The following HYDIN variants were observed in gnomAD, a reference collection of about 807,000 sequenced individuals.
HYDIN encodes the protein HYDIN axonemal central pair apparatus protein.
HYDIN carries 132 observed loss-of-function variants against 403.9 expected under a neutral mutation model. The ratio of observed to expected loss-of-function variants is 0.33; its 90% CI spans 0.28 to 0.38. The LOEUF (loss-of-function observed/expected upper bound fraction) is 0.38. HYDIN is among the 10% of genes least tolerant of loss of function. The pLI is 1.00. For missense variants in HYDIN, 2,827 were observed against 5,009.5 expected, an observed-to-expected ratio of 0.56 and a Z score of 13.15; for synonymous variants, 1,202 against 1,891.7, an observed-to-expected ratio of 0.64 and a Z score of 9.46.
intron 35 of HYDIN, 132 bp from the exon 36 acceptor site, chr16:70,970,891 G>A: frequency 1.3e-6 from 1 of 778,052 alleles, no homozygotes; most frequent in South Asian, 1.9e-5. Flanking sequence ...AATTGCATAA[G>A]AGTAATTTTT....
chr16:70,886,254 T>A (rs926653585), intron 58 of HYDIN, among the ~76,000 whole-genome samples: 1 of 151,676 alleles, frequency 6.6e-6, no homozygotes, highest in Non-Finnish European at 1.5e-5. Flanking sequence ...TCAGTTATAG[T>A]ACACGCACCT....
chr16:71,187,743 A>G (rs926831171), intron 1 of HYDIN, among the ~76,000 whole-genome samples: 2 of 152,186 alleles, frequency 1.3e-5, no homozygotes, highest in African/African-American at 4.8e-5. Flanking sequence ...AAAGGAAAGT[A>G]GATTTGAAGG....
intron 66 of HYDIN, among the ~76,000 whole-genome samples, chr16:70,866,680 A>G (rs2143637419): frequency 6.6e-6 from 1 of 151,936 alleles, no homozygotes; most frequent in Non-Finnish European, 1.5e-5. Context: ...AAAGTAATAC[A>G]TATAAAAGAA....
At chr16:71,072,599 G>A (rs2082501960) in intron 13 of HYDIN, among the ~76,000 whole-genome samples, 1 of 150,318 alleles carries the variant, frequency 6.7e-6, no homozygotes, top group African/African-American at 2.4e-5. Flanking sequence ...CTGATCTTAA[G>A]TTGGCCCAGT....
chr16:71,000,103 T>C (rs553461690), intron 23 of HYDIN, among the ~76,000 whole-genome samples: 15 of 151,596 alleles, frequency 9.9e-5, no homozygotes, highest in African/African-American at 3.6e-4. Context: ...TAGCTAGCTT[T>C]GGGAGGATTT....
chr16:70,955,025 G>A (rs201077375), intron 40 of HYDIN, among the ~76,000 whole-genome samples: 163 of 152,108 alleles, frequency 1.1e-3, no homozygotes, highest in Non-Finnish European at 5.7e-4. Flanking sequence ...TCCCAAAGTC[G>A]CTCTTTCAAA....
chr16:71,096,310 T>G (rs1339530320), intron 10 of HYDIN, among the ~76,000 whole-genome samples: 2 of 152,092 alleles, frequency 1.3e-5, no homozygotes, highest in African/African-American at 2.4e-5. Flanking sequence ...TGTCTTTAGC[T>G]TTCAGTGATT....
chr16:70,943,967 G>C lies in HYDIN; in HGVS notation c.6532-18C>G. On this transcript the variant is annotated intron_variant, in intron 41 of 85. Coordinates refer to ENST00000393567, the MANE Select transcript of HYDIN (RefSeq NM_001270974.2). ...GAGGAAATCTGTTGAGTGGGAGAAG[G>C]ATCAGGAGTCAGAATCTGGCCTTGT... 6.4e-7 allele frequency: 1 copy of C among 1,572,008 alleles called. No homozygotes were observed.
intron 45 of HYDIN, among the ~76,000 whole-genome samples, chr16:70,926,547 C>G (rs982615464): frequency 6.6e-5 from 10 of 152,002 alleles, no homozygotes; most frequent in African/African-American, 2.4e-4. Context: ...ACCAGCATGG[C>G]ACAGGTATAC....
chr16:71,169,026 A>C (rs1198455266), intron 5 of HYDIN, among the ~76,000 whole-genome samples: 2 of 152,238 alleles, frequency 1.3e-5, no homozygotes, highest in African/African-American at 4.8e-5. Flanking sequence ...AAGGAAATGA[A>C]ATCAGTATGT....
In HYDIN at chr16:70,809,982, G is replaced by A. The variant is rs2035362352; in HGVS notation, c.14684C>T (p.Pro4895Leu). The part of the protein sequence containing the change: ...SEGTFSFEFQ[P>L]LKAGETFGRL... ...TCCGAAGGTTTCTCCAGCTTTCAGG[G>A]GCTGAAATTCAAATGAGAACGTGCC... The change falls in exon 85 of 86, where the codon CCC becomes CTC. Residue 4895 changes from proline to leucine, a missense_variant. Coordinates refer to ENST00000393567, the MANE Select transcript of HYDIN (RefSeq NM_001270974.2). 6.2e-7 allele frequency: 1 copy of A among 1,614,148 alleles called. No homozygotes were observed. The highest frequency in any genetic ancestry group is 8.5e-7 in the Non-Finnish European group (1 of 1,180,014).
intron 58 of HYDIN, among the ~76,000 whole-genome samples, chr16:70,885,692 G>A (rs1404434750): frequency 2.0e-5 from 3 of 152,006 alleles, no homozygotes; most frequent in Admixed American, 6.5e-5. Flanking sequence ...GCAGAGTGCT[G>A]GAGAGGCTGT....
rs569601583 is a variant in HYDIN, at chr16:70,985,334, AAGG to A, written c.4195-15_4195-13del. ...ACATGGTCAAACAGCTTGAGAAGAG[AAGG>A]AGAAGAGTGACTCCATCTTGGGATG... is the stretch of plus-strand genomic sequence containing the variant. On this transcript the variant is annotated splice_polypyrimidine_tract_variant and intron_variant, in intron 27 of 85. Transcript: ENST00000393567. 4.3e-4 allele frequency: 565 copies of A among 1,311,756 alleles called. 5 individuals are homozygous for A. The South Asian group carries it at 7.5e-3, about 17-fold the overall frequency. 81.3% of individuals were successfully genotyped at this position (1,311,756 alleles called of 1,614,324 possible). A position where few individuals can be genotyped will look rare whatever the true frequency, so the allele number is the denominator to read the frequency against.
At chr16:71,093,301 T>C (rs1342452024) in intron 11 of HYDIN, among the ~76,000 whole-genome samples, 2 of 152,252 alleles carry the variant, frequency 1.3e-5, no homozygotes, top group African/African-American at 2.4e-5. Flanking sequence ...TTTCATTTTC[T>C]AATTAATTGG....
intron 5 of HYDIN, among the ~76,000 whole-genome samples, chr16:71,169,245 G>A (rs2144623134): frequency 6.6e-6 from 1 of 152,218 alleles, no homozygotes; most frequent in Admixed American, 6.5e-5. Context: ...GGACAACGTG[G>A]AGAAACCCCA....
At chr16:71,024,984 TG>T (rs1597577825) in intron 21 of HYDIN, among the ~76,000 whole-genome samples, 1 of 152,248 alleles carries the variant, frequency 6.6e-6, no homozygotes, top group Admixed American at 6.5e-5. Context: ...CATGGCTCCA[TG>T]TCTAGCAAGT....
chr16:70,909,715 A>G (rs1196902600), intron 47 of HYDIN, among the ~76,000 whole-genome samples: 1 of 83,782 alleles, frequency 1.2e-5, no homozygotes, highest in Non-Finnish European at 2.2e-5. Context: ...TTTTTTTTTG[A>G]GATAGAGTCT....
At chr16:71,158,638 A>C (rs1462601854) in intron 6 of HYDIN, among the ~76,000 whole-genome samples, 1 of 147,330 alleles carries the variant, frequency 6.8e-6, no homozygotes, top group Non-Finnish European at 1.5e-5. Context: ...GGTATTGTGA[A>C]TGGTGGTTGT....
chr16:70,810,728 G>T (rs1288524245), intron 84 of HYDIN, among the ~76,000 whole-genome samples: 2 of 152,180 alleles, frequency 1.3e-5, no homozygotes, highest in African/African-American at 2.4e-5. Context: ...TACTCGGGAG[G>T]CTGAGGCAGG....
Sources: allele counts gnomAD v4.1 joint callset (sites outside exome capture counted in the v4.1 genomes callset), GRCh38; gene constraint gnomAD v4.1.1; transcripts MANE v1.5; gene names NCBI Gene and HGNC (gene_info 2026-07-23, HGNC 2026-07-21).